Variants in PPP1R1C observed in about 807,000 individuals in gnomAD.
PPP1R1C encodes the protein protein phosphatase 1 regulatory subunit 1C.
In PPP1R1C, 15 loss-of-function variants were observed where a neutral mutation model predicts 17.4. That is an observed-to-expected ratio of 0.86 (90% CI 0.58 to 1.33). PPP1R1C has a LOEUF of 1.33. Among genes scored for constraint, PPP1R1C ranks in the 40% most tolerant of loss-of-function variants. The pLI is 0.00. For synonymous variants in PPP1R1C, 35 were observed against 43.1 expected (o/e 0.81, Z 0.73); for missense variants, 143 against 130.0 (o/e 1.10, Z -0.48).
chr2:181,996,457 A>G (rs549108985), intron 2 of PPP1R1C, among the ~76,000 whole-genome samples: 2 of 152,150 alleles, frequency 1.3e-5, no homozygotes, highest in Non-Finnish European at 2.9e-5. Context: ...TTACACCTAT[A>G]TCTGTGAGTC....
intron 1 of PPP1R1C, among the ~76,000 whole-genome samples, chr2:181,971,455 C>T (rs892781829): frequency 2.0e-5 from 3 of 152,112 alleles, no homozygotes; most frequent in African/African-American, 7.2e-5. Context: ...AGACAAAGTC[C>T]TCTTTAATGT....
Position 181,976,539 on chromosome 2 carries a change from G to GC in PPP1R1C, n.157+1277dup, listed in dbSNP as rs1237131146. Reference sequence around the variant, plus strand: ...CTATAATCTCCTACAAAGGCTACTGGCCTACTGTTCAGGAATCCTGAGTAA... The same window carrying GC: ...CTATAATCTCCTACAAAGGCTACTGGCCCTACTGTTCAGGAATCCTGAGTAA... On this transcript the variant is annotated intron_variant and non_coding_transcript_variant, in intron 2 of 5. Transcript: ENST00000464264. This position sits in a 1 kb window ranked among gnomAD's most constrained non-coding sequence, Gnocchi z 4.8. Among the ~76,000 whole-genome samples, 1 of 152,018 alleles carries GC rather than the reference G, an allele frequency of 6.6e-6. No homozygotes were observed. Among genetic ancestry groups the GC allele is most frequent in the Non-Finnish European group, 1.5e-5 (1 of 67,998 alleles).
chr2:182,062,421 A>G lies in PPP1R1C; in HGVS notation c.180+942A>G, dbSNP rs1687877946. ...AATATGTGTATGGAAGTAAATATTA[A>G]AAATCCCTAAACTGATTCGTTCTCA... On this transcript the variant is annotated intron_variant, in intron 3 of 4. Transcript: ENST00000682840. Among the ~76,000 whole-genome samples, 6 of 152,222 alleles carry G rather than the reference A, an allele frequency of 3.9e-5. No homozygotes were observed. In the South Asian group the frequency reaches 1.2e-3, roughly 32 times the overall value.
chr2:181,986,999 G>A (rs922254683), intron 1 of PPP1R1C, among the ~76,000 whole-genome samples: 2 of 151,998 alleles, frequency 1.3e-5, no homozygotes, highest in African/African-American at 4.8e-5. Context: ...TATTTAATCC[G>A]TGACTCATAG....
At position 182,008,039 on chromosome 2, in the gene PPP1R1C, G is replaced by A. The variant is rs558703581; in HGVS notation, c.142+20140G>A. ...GCTGAGATCGCGCCACTGCACTCCG[G>A]CCTGGGCGAAAGAGCGAGACTCCGT... On this transcript the variant is annotated intron_variant, in intron 2 of 4. Transcript: ENST00000682840. Among the ~76,000 whole-genome samples the A allele has an allele frequency of 3.2e-4, 49 of 152,004 alleles. 1 individual carries two copies. Among genetic ancestry groups the A allele is most frequent in the Admixed American group, 3.0e-3 (46 of 15,274 alleles).
chr2:181,992,728 G>T (rs1685505009), intron 2 of PPP1R1C, among the ~76,000 whole-genome samples: 1 of 134,224 alleles, frequency 7.5e-6, no homozygotes, highest in Admixed American at 7.4e-5. Context: ...TCCTATCACA[G>T]CCAAATTTTG....
At chr2:182,018,122 T>C (rs1264430455) in intron 2 of PPP1R1C, among the ~76,000 whole-genome samples, 1 of 152,166 alleles carries the variant, frequency 6.6e-6, no homozygotes, top group Non-Finnish European at 1.5e-5. Context: ...TGGACAGTAA[T>C]GTGAAAAAAC....
intron 2 of PPP1R1C, among the ~76,000 whole-genome samples, chr2:181,989,646 T>G (rs1339879935): frequency 6.6e-6 from 1 of 152,186 alleles, no homozygotes; most frequent in Non-Finnish European, 1.5e-5. Context: ...TCAGTTTTTC[T>G]CTAGAAACCT....
chr2:182,046,631 C>T (rs925063381), intron 2 of PPP1R1C, among the ~76,000 whole-genome samples: 7 of 150,288 alleles, frequency 4.7e-5, no homozygotes, highest in Admixed American at 1.3e-4. Context: ...CCCAGCTACT[C>T]GGGAGGCTGA....
In PPP1R1C at chr2:182,050,570, G is replaced by C. The variant is rs116063571; in HGVS notation, c.143-10872G>C. 2.0e-3 allele frequency among the ~76,000 whole-genome samples: 308 copies of C among 152,248 alleles called. 2 individuals carry two copies. The highest frequency in any genetic ancestry group is 0.017 in the Middle Eastern group (5 of 294). On this transcript the variant is annotated intron_variant, in intron 2 of 4. Coordinates refer to ENST00000682840, the MANE Select transcript of PPP1R1C (RefSeq NM_001080545.3). ...GCATGTCAGGACTACCTGCTCAGAT[G>C]CCAGCCTTACCTGGTTCTCTGATCA...
exon 6 of PPP1R1C, chr2:182,129,686 CA>C (rs1204050677): frequency 6.6e-6 from 1 of 152,006 alleles, no homozygotes; most frequent in Non-Finnish European, 1.5e-5. Context: ...TAAGTGTCCC[CA>C]AATGAACCAA....
intron 2 of PPP1R1C, among the ~76,000 whole-genome samples, chr2:182,040,854 G>A (rs946293707): frequency 6.6e-6 from 1 of 152,076 alleles, no homozygotes; most frequent in East Asian, 1.9e-4. Flanking sequence ...TAGGGACCCA[G>A]TTTTCTCTAC....
chr2:182,091,843 C>T (rs1267219282), intron 4 of PPP1R1C, among the ~76,000 whole-genome samples: 4 of 152,206 alleles, frequency 2.6e-5, no homozygotes, highest in Non-Finnish European at 5.9e-5. Flanking sequence ...GGGATATTCT[C>T]ATTTCCCACC....
intron 2 of PPP1R1C, among the ~76,000 whole-genome samples, chr2:181,994,830 A>AT (rs1685569615): frequency 6.6e-6 from 1 of 152,222 alleles, no homozygotes; most frequent in Non-Finnish European, 1.5e-5. Context: ...TGGCCAAGGC[A>AT]TAGAGGCACT....
intron 1 of PPP1R1C, among the ~76,000 whole-genome samples, chr2:181,972,595 G>C (rs542767900): frequency 6.6e-6 from 1 of 152,260 alleles, no homozygotes; most frequent in South Asian, 2.1e-4. Flanking sequence ...GGTCCTAAAA[G>C]TAGAGATGTT....
At chr2:181,974,341 C>T (rs1417405501) in intron 1 of PPP1R1C, among the ~76,000 whole-genome samples, 1 of 151,980 alleles carries the variant, frequency 6.6e-6, no homozygotes, top group Non-Finnish European at 1.5e-5. Flanking sequence ...AATTGGATTC[C>T]ATAGAGTATA....
At chr2:181,955,374 A>G (rs7608942) in intron 1 of PPP1R1C, among the ~76,000 whole-genome samples, 10,356 of 152,288 alleles carry the variant, frequency 0.068, 566 homozygotes, top group African/African-American at 0.15. Flanking sequence ...AAGGGAGACC[A>G]GCACAAATAC....
chr2:182,030,742 C>T (rs1686799244), intron 2 of PPP1R1C: 2 of 151,696 alleles, frequency 1.3e-5, no homozygotes, highest in African/African-American at 4.9e-5. Context: ...GGGCTCCACA[C>T]AGTTCGAGCT....
At chr2:182,100,035 G>A (rs887981693) in intron 4 of PPP1R1C, among the ~76,000 whole-genome samples, 5 of 152,124 alleles carry the variant, frequency 3.3e-5, no homozygotes, top group Non-Finnish European at 1.5e-5. Flanking sequence ...GTGGTACCGA[G>A]TCTAATGTTT....
Sources: gnomAD v4.1 joint callset for allele counts (sites outside exome capture counted in the v4.1 genomes callset) on GRCh38, gnomAD v4.1.1 for gene constraint, Gnocchi (gnomAD v3.1) non-coding constraint, MANE v1.5 for transcripts, NCBI Gene and HGNC (gene_info 2026-07-23, HGNC 2026-07-21) for gene names.